VAT1L: variants seen among roughly 807,000 people sequenced by gnomAD.
VAT1L encodes the protein putative NADPH-dependent quinone oxidoreductase VAT1L.
VAT1L carries 34 observed loss-of-function variants against 44.1 expected under a neutral mutation model. The ratio of observed to expected loss-of-function variants is 0.77; its 90% CI spans 0.59 to 1.03. VAT1L has a LOEUF of 1.03. VAT1L is among the 50% of genes least tolerant of loss of function. The pLI is 0.00. For synonymous variants in VAT1L, 253 were observed against 202.2 expected (o/e 1.25, Z -2.13); for missense variants, 615 against 538.8 (o/e 1.14, Z -1.40).
chr16:77,889,566 G>C (rs1263525970), intron 7 of VAT1L, among the ~76,000 whole-genome samples: 1 of 152,144 alleles, frequency 6.6e-6, no homozygotes, highest in Non-Finnish European at 1.5e-5. Context: ...TGTCAACCAA[G>C]CAGCAGTAAC....
In VAT1L at chr16:77,856,243, G is replaced by A. The variant is rs184786072; in HGVS notation, c.580-6505G>A. Among the ~76,000 whole-genome samples the A allele has an allele frequency of 1.8e-3, 268 of 152,222 alleles. 1 individual carries two copies. Among genetic ancestry groups the A allele is most frequent in the African/African-American group, 6.2e-3 (259 of 41,550 alleles). ...TTCCTTGTGGTCAAGGTAGAGTTCT[G>A]GAATACAGTGAGAAACAAGGCTGGA... On this transcript the variant is annotated intron_variant, in intron 3 of 8. Transcript: ENST00000302536.
intron 3 of VAT1L, among the ~76,000 whole-genome samples, chr16:77,851,706 T>C (rs113163280): frequency 0.025 from 3,832 of 152,164 alleles, 86 homozygotes; most frequent in Middle Eastern, 0.089. Context: ...CTACCGAGCA[T>C]CCACTATGCT....
intron 7 of VAT1L, among the ~76,000 whole-genome samples, chr16:77,926,236 G>C (rs2017666952): frequency 7.4e-6 from 1 of 135,372 alleles, no homozygotes; most frequent in African/African-American, 2.9e-5. Flanking sequence ...CTGGGCAACA[G>C]AGTGAGACTC....
rs984886191 is a variant in VAT1L at position 77,979,209 on chromosome 16, G to A, written c.*1514G>A. ...ACCTATCCTAAGCTTATGATGATGA[G>A]TTATGTATGCCAAATACTTATCTGA... On this transcript the variant is annotated 3_prime_UTR_variant, in exon 9 of 9. Coordinates refer to ENST00000302536, the MANE Select transcript of VAT1L (RefSeq NM_020927.3). 33 of 152,604 alleles carry A rather than the reference G, an allele frequency of 2.2e-4. No individual in the cohort carries two copies. Among genetic ancestry groups the A allele is most frequent in the African/African-American group, 7.9e-4 (33 of 41,512 alleles). 9.5% of individuals were successfully genotyped at this position (152,604 alleles called of 1,614,324 possible). A position where few individuals can be genotyped will look rare whatever the true frequency, so the allele number is the denominator to read the frequency against.
rs545137876 is a variant in VAT1L, at chr16:77,951,909, G to C, written c.1078-19941G>C. On this transcript the variant is annotated intron_variant, in intron 7 of 8. Coordinates refer to ENST00000302536, the MANE Select transcript of VAT1L (RefSeq NM_020927.3). Reference sequence around the variant, plus strand: ...GGCAAGATTATTTCAACAGGGCAGAGAGATTGAACTCAATTCCTTTGAAAC... The same window carrying C: ...GGCAAGATTATTTCAACAGGGCAGACAGATTGAACTCAATTCCTTTGAAAC... 5.9e-5 allele frequency among the ~76,000 whole-genome samples: 9 copies of C among 151,784 alleles called. No homozygotes were observed. The East Asian group carries it at 1.4e-3, about 23-fold the overall frequency.
intron 3 of VAT1L, among the ~76,000 whole-genome samples, chr16:77,839,260 G>T (rs996559524): frequency 3.3e-5 from 5 of 151,982 alleles, no homozygotes; most frequent in Non-Finnish European, 5.9e-5. Flanking sequence ...ACACGGCCGG[G>T]CGCGATGGCT....
intron 2 of VAT1L, among the ~76,000 whole-genome samples, chr16:77,823,884 A>T (rs1310218126): frequency 6.6e-6 from 1 of 152,080 alleles, no homozygotes; most frequent in African/African-American, 2.4e-5. Context: ...ATAACCAGGC[A>T]TTGTGATGTG....
chr16:77,866,089 A>G (rs925276965), intron 4 of VAT1L, among the ~76,000 whole-genome samples: 1 of 152,162 alleles, frequency 6.6e-6, no homozygotes, highest in Non-Finnish European at 1.5e-5. Context: ...AATGCCCAGG[A>G]AGTTACAGAT....
intron 1 of VAT1L, among the ~76,000 whole-genome samples, chr16:77,802,103 C>G (rs1365164138): frequency 6.6e-6 from 1 of 152,178 alleles, no homozygotes; most frequent in Non-Finnish European, 1.5e-5. Context: ...GCAATTTTCA[C>G]CCTCCCACCG....
chr16:77,805,550 T>C (rs944330352), intron 1 of VAT1L, among the ~76,000 whole-genome samples: 1 of 150,652 alleles, frequency 6.6e-6, no homozygotes, highest in African/African-American at 2.4e-5. Context: ...AGAGCACACC[T>C]TCCCTTACTG....
At chr16:77,968,350 A>G (rs1271754366) in intron 7 of VAT1L, among the ~76,000 whole-genome samples, 1 of 152,208 alleles carries the variant, frequency 6.6e-6, no homozygotes, top group Non-Finnish European at 1.5e-5. Context: ...AACAATAGCT[A>G]TGCCGTAGAC....
Position 77,879,259 on chromosome 16 carries a change from G to C in VAT1L, c.882+35G>C, listed in dbSNP as rs777871764. The C allele has an allele frequency of 6.2e-7, 1 of 1,602,322 alleles. No homozygotes were observed. The highest frequency in any genetic ancestry group is 8.5e-7 in the Non-Finnish European group (1 of 1,169,674). On this transcript the variant is annotated intron_variant, in intron 6 of 8. Transcript: ENST00000302536. This position sits in a 1 kb window ranked among gnomAD's most constrained non-coding sequence, Gnocchi z 4.1. The stretch of plus-strand genomic sequence containing the variant: ...CAGGCACATCTGATGTACTGTGGTG[G>C]CATGTTGATTCACATGTTGAGAGCT...
rs527377366 is a variant in VAT1L at position 77,838,968 on chromosome 16, A to C, written c.579+13507A>C. On this transcript the variant is annotated intron_variant, in intron 3 of 8. Transcript: ENST00000302536. ...GTTGGTCTCTGGGTATTCCATAGTG[A>C]GCAAACTCAGGTCTCATCCCATATT... Among the ~76,000 whole-genome samples, 7 of 151,950 alleles carry C rather than the reference A, an allele frequency of 4.6e-5. No homozygotes were observed. In the East Asian group the frequency reaches 1.4e-3, roughly 30 times the overall value.
intron 7 of VAT1L, among the ~76,000 whole-genome samples, chr16:77,945,159 G>C (rs1045003787): frequency 6.6e-6 from 1 of 152,036 alleles, no homozygotes; most frequent in Admixed American, 6.6e-5. Context: ...TCCAATCTGT[G>C]GGGGCACAAA....
intron 7 of VAT1L, among the ~76,000 whole-genome samples, chr16:77,959,298 T>C (rs1207394702): frequency 2.0e-5 from 3 of 152,208 alleles, no homozygotes; most frequent in Non-Finnish European, 2.9e-5. Context: ...ATCTTGGGGC[T>C]CACGCACTTT....
chr16:77,825,926 G>A (rs1435676562), intron 3 of VAT1L, among the ~76,000 whole-genome samples: 2 of 150,460 alleles, frequency 1.3e-5, no homozygotes, highest in Admixed American at 6.6e-5. Flanking sequence ...GGGAGGCTGA[G>A]GCAGAAGAAT....
intron 3 of VAT1L, among the ~76,000 whole-genome samples, chr16:77,852,113 A>G (rs150703013): frequency 2.4e-3 from 369 of 151,040 alleles, no homozygotes; most frequent in African/African-American, 8.3e-3. Flanking sequence ...CCCCCTCCCA[A>G]TCTCGGGGCT....
At chr16:77,908,232 C>G (rs1184137438) in intron 7 of VAT1L, among the ~76,000 whole-genome samples, 4 of 145,198 alleles carry the variant, frequency 2.8e-5, no homozygotes, top group African/African-American at 7.6e-5. Context: ...GAGTGAGACT[C>G]TGTCTCAAAA....
At chr16:77,795,394 G>C (rs942529842) in intron 1 of VAT1L, among the ~76,000 whole-genome samples, 6 of 152,120 alleles carry the variant, frequency 3.9e-5, no homozygotes, top group Non-Finnish European at 5.9e-5. Flanking sequence ...ATGGCAAATA[G>C]CTTAACAGCT....
Sources: allele counts gnomAD v4.1 joint callset (sites outside exome capture counted in the v4.1 genomes callset), GRCh38; gene constraint gnomAD v4.1.1; non-coding constraint Gnocchi (gnomAD v3.1); transcripts MANE v1.5; gene names NCBI Gene and HGNC (gene_info 2026-07-23, HGNC 2026-07-21).